SLC24A3: variants seen among roughly 807,000 people sequenced by gnomAD.
SLC24A3 encodes solute carrier family 24 member 3, also known as sodium/potassium/calcium exchanger 3.
In SLC24A3, 28 loss-of-function variants were observed where a neutral mutation model predicts 75.8. The observed-to-expected ratio is 0.37, with a 90% CI of 0.27 to 0.51. The LOEUF is 0.51. Ranked by LOEUF, SLC24A3 falls within the 20% of genes least tolerant of loss-of-function variation. SLC24A3 has a pLI of 0.94. For missense variants in SLC24A3, 663 were observed against 847.8 expected, an observed-to-expected ratio of 0.78 and a Z score of 2.71; for synonymous variants, 372 against 334.1, an observed-to-expected ratio of 1.11 and a Z score of -1.24.
At chr20:19,340,481 G>A (rs1157620727) in intron 2 of SLC24A3, among the ~76,000 whole-genome samples, 2 of 152,210 alleles carry the variant, frequency 1.3e-5, no homozygotes, top group African/African-American at 2.4e-5. Flanking sequence ...CAATCAGTCT[G>A]TGGTAGTTTT....
At chr20:19,526,197 C>A (rs1234711567) in intron 3 of SLC24A3, among the ~76,000 whole-genome samples, 4 of 152,192 alleles carry the variant, frequency 2.6e-5, no homozygotes, top group Non-Finnish European at 4.4e-5. Flanking sequence ...CCCTTGTTCT[C>A]TTCAGTGCAT....
intron 15 of SLC24A3, among the ~76,000 whole-genome samples, chr20:19,715,727 G>A (rs1455500435): frequency 1.3e-5 from 2 of 152,144 alleles, no homozygotes; most frequent in South Asian, 2.1e-4. Flanking sequence ...GTGCAGTCAT[G>A]CCAAGAGGTA....
chr20:19,625,527 C>A (rs2031856178), intron 6 of SLC24A3, among the ~76,000 whole-genome samples: 1 of 152,138 alleles, frequency 6.6e-6, no homozygotes, highest in Non-Finnish European at 1.5e-5. Flanking sequence ...CAATATCATA[C>A]CAGCAATTCA....
chr20:19,446,327 T>C (rs757593722), intron 2 of SLC24A3, among the ~76,000 whole-genome samples: 1 of 152,200 alleles, frequency 6.6e-6, no homozygotes, highest in African/African-American at 2.4e-5. Flanking sequence ...CATGTAAAAG[T>C]CTGAAAATCC....
chr20:19,692,911 A>C (rs1046136421), intron 12 of SLC24A3, among the ~76,000 whole-genome samples: 1 of 151,602 alleles, frequency 6.6e-6, no homozygotes. Flanking sequence ...GCACCTACAC[A>C]CATTCCACCT....
chr20:19,493,207 G>T (rs1988233056), intron 2 of SLC24A3, among the ~76,000 whole-genome samples: 1 of 152,162 alleles, frequency 6.6e-6, no homozygotes. Context: ...TTATCTCAAT[G>T]ACTGTCATTT....
chr20:19,379,466 G>A (rs548718468), intron 2 of SLC24A3, among the ~76,000 whole-genome samples: 5 of 152,092 alleles, frequency 3.3e-5, no homozygotes, highest in Non-Finnish European at 7.4e-5. Context: ...GGAATGAGGG[G>A]GTTTGATAAG....
chr20:19,263,654 A>G (rs571466082), intron 1 of SLC24A3, among the ~76,000 whole-genome samples: 1 of 152,120 alleles, frequency 6.6e-6, no homozygotes, highest in Non-Finnish European at 1.5e-5. Context: ...TCCCTTACCT[A>G]TCAGTGGATC....
At chr20:19,569,128 C>T (rs1383694952) in intron 3 of SLC24A3, among the ~76,000 whole-genome samples, 2 of 152,178 alleles carry the variant, frequency 1.3e-5, no homozygotes, top group Admixed American at 1.3e-4. Context: ...CGTAATGGGC[C>T]TGCCCTTCCC....
intron 2 of SLC24A3, among the ~76,000 whole-genome samples, chr20:19,309,557 C>T (rs1247115085): frequency 7.0e-6 from 1 of 142,460 alleles, no homozygotes; most frequent in Non-Finnish European, 1.5e-5. Flanking sequence ...CAGGTGGTAC[C>T]TATGCACACT....
chr20:19,267,653 G>T (rs928065056), intron 1 of SLC24A3, among the ~76,000 whole-genome samples: 1 of 152,104 alleles, frequency 6.6e-6, no homozygotes, highest in Admixed American at 6.5e-5. Flanking sequence ...TTTTTAGAAT[G>T]TACTGATTTT....
chr20:19,324,620 T>A (rs985586639), intron 2 of SLC24A3, among the ~76,000 whole-genome samples: 14 of 152,160 alleles, frequency 9.2e-5, no homozygotes, highest in Non-Finnish European at 2.1e-4. Context: ...GGTTTGACAT[T>A]TTTACCCATC....
intron 2 of SLC24A3, among the ~76,000 whole-genome samples, chr20:19,412,608 G>A (rs1046190628): frequency 6.7e-6 from 1 of 150,032 alleles, no homozygotes; most frequent in African/African-American, 2.4e-5. Flanking sequence ...AGAGAAGGAG[G>A]AGCAAGAGGA....
chr20:19,268,506 A>G (rs1436252463), intron 1 of SLC24A3, among the ~76,000 whole-genome samples: 1 of 152,234 alleles, frequency 6.6e-6, no homozygotes, highest in Non-Finnish European at 1.5e-5. Context: ...CTTAGAGGTC[A>G]GCTCATTCAT....
intron 1 of SLC24A3, among the ~76,000 whole-genome samples, chr20:19,230,814 T>G (rs996980492): frequency 2.0e-5 from 3 of 152,188 alleles, no homozygotes; most frequent in South Asian, 4.1e-4. Flanking sequence ...TCAGCTTCTT[T>G]TATGCATCTC....
intron 1 of SLC24A3, among the ~76,000 whole-genome samples, chr20:19,251,147 A>G (rs1300188304): frequency 1.3e-5 from 2 of 152,184 alleles, no homozygotes; most frequent in Non-Finnish European, 2.9e-5. Context: ...CTCAGAATGG[A>G]AAACCCAGCT....
chr20:19,388,691 A>G (rs1296962780), intron 2 of SLC24A3, among the ~76,000 whole-genome samples: 2 of 152,118 alleles, frequency 1.3e-5, no homozygotes, highest in African/African-American at 4.8e-5. Context: ...AAATATAGCT[A>G]TCCTCTCTTG....
chr20:19,580,165 G>A, intron 4 of SLC24A3, 91 bp downstream of exon 4: 2 of 1,140,634 alleles, frequency 1.8e-6, no homozygotes, highest in South Asian at 2.9e-5. Flanking sequence ...AAAGTCCTGG[G>A]GAGCCCTCGC....
intron 3 of SLC24A3, among the ~76,000 whole-genome samples, chr20:19,522,413 A>G (rs578048979): frequency 6.3e-4 from 96 of 152,336 alleles, no homozygotes; most frequent in Non-Finnish European, 1.2e-3. Context: ...ATGTTCTGGT[A>G]AGGAGGAAGG....
Sources: gnomAD v4.1 joint callset for allele counts (sites outside exome capture counted in the v4.1 genomes callset) on GRCh38, gnomAD v4.1.1 for gene constraint, MANE v1.5 for transcripts, NCBI Gene and HGNC (gene_info 2026-07-23, HGNC 2026-07-21) for gene names.